The following ETF1 variants were observed in gnomAD, a reference collection of about 807,000 sequenced individuals.
The protein encoded by ETF1 is eukaryotic translation termination factor 1.
ETF1 carries 4 observed loss-of-function variants against 55.1 expected under a neutral mutation model. That is an observed-to-expected ratio of 0.07 (90% CI 0.04 to 0.17). ETF1 has a LOEUF of 0.17. Ranked by LOEUF, ETF1 falls within the 10% of genes least tolerant of loss-of-function variation. The probability of loss-of-function intolerance (pLI) is 1.00; values close to 1 mark genes in which losing one functional copy is unlikely to be tolerated. For synonymous variants in ETF1, 157 were observed against 182.3 expected, an observed-to-expected ratio of 0.86 and a Z score of 1.12; for missense variants, 142 against 523.6, an observed-to-expected ratio of 0.27 and a Z score of 7.11.
In ETF1 at chr5:138,521,578, G is replaced by A. The variant is rs529032232; in HGVS notation, c.87-2711C>T. ...TCTTGCTCTTGTTGCCCAGGCTGGA[G>A]TGCAGTGGCACCATCTCAGTTCACT... On this transcript the variant is annotated intron_variant, in intron 2 of 10. Coordinates refer to ENST00000360541, the MANE Select transcript of ETF1 (RefSeq NM_004730.4). 9.8e-5 allele frequency among the ~76,000 whole-genome samples: 15 copies of A among 152,306 alleles called. No individual in the cohort carries two copies. The East Asian group carries it at 2.7e-3, about 27-fold the overall frequency.
chr5:138,539,250 T>C (rs986987057), intron 2 of ETF1, among the ~76,000 whole-genome samples: 1 of 152,224 alleles, frequency 6.6e-6, no homozygotes, highest in Admixed American at 6.5e-5. Flanking sequence ...AGGCTCTAGT[T>C]ATGATTTTAT....
rs191251212 is a variant in ETF1, at chr5:138,529,135, C to G, written c.87-10268G>C. The stretch of plus-strand genomic sequence containing the variant: ...CAGAGCGAGACTCCATCTCAAAAAA[C>G]AAAAACAAAACCAACAAAAACCAAA... On this transcript the variant is annotated intron_variant, in intron 2 of 10. Transcript: ENST00000360541. 3.4e-3 allele frequency among the ~76,000 whole-genome samples: 519 copies of G among 151,950 alleles called. 5 individuals carry two copies. The highest frequency in any genetic ancestry group is 0.012 in the African/African-American group (488 of 41,456).
intron 9 of ETF1, among the ~76,000 whole-genome samples, chr5:138,509,599 A>G (rs1435155410): frequency 6.6e-6 from 1 of 151,760 alleles, no homozygotes; most frequent in Non-Finnish European, 1.5e-5. Context: ...CCATTTCTAT[A>G]AAAAAAATTA....
chr5:138,513,451 G>A (rs1764895891), intron 5 of ETF1, 117 bp downstream of exon 5: 12 of 912,420 alleles, frequency 1.3e-5, no homozygotes, highest in South Asian at 5.8e-5. Context: ...TGATCCACCC[G>A]GCTCGGCCTC....
intron 10 of ETF1, 104 bp from the exon 11 acceptor site, chr5:138,508,491 G>A: frequency 1.3e-6 from 2 of 1,569,594 alleles, no homozygotes; most frequent in South Asian, 1.2e-5. Flanking sequence ...TTGCAGAATT[G>A]CAGAAAGCAA....
At chr5:138,538,825 C>G (rs953697822) in intron 2 of ETF1, among the ~76,000 whole-genome samples, 1 of 152,176 alleles carries the variant, frequency 6.6e-6, no homozygotes, top group Non-Finnish European at 1.5e-5. Flanking sequence ...ATTAAGCAAT[C>G]TGTTCATATT....
At chr5:138,538,642 T>C (rs1486718607) in intron 2 of ETF1, among the ~76,000 whole-genome samples, 1 of 151,906 alleles carries the variant, frequency 6.6e-6, no homozygotes, top group Admixed American at 6.6e-5. Flanking sequence ...TCATTTTAGC[T>C]ACAACCAGCC....
At chr5:138,527,729 T>C (rs911997270) in intron 2 of ETF1, among the ~76,000 whole-genome samples, 1 of 151,420 alleles carries the variant, frequency 6.6e-6, no homozygotes, top group Non-Finnish European at 1.5e-5. Context: ...GGTAAGCCAA[T>C]TCTCAAGGGG....
chr5:138,537,895 A>ATT (rs1037475974), intron 2 of ETF1, among the ~76,000 whole-genome samples: 4 of 108,156 alleles, frequency 3.7e-5, no homozygotes, highest in Admixed American at 9.9e-5. Context: ...TATTATTATT[A>ATT]TTTTTTTTTT....
chr5:138,541,962 T>A (rs1182660836), intron 2 of ETF1, among the ~76,000 whole-genome samples: 1 of 152,080 alleles, frequency 6.6e-6, no homozygotes, highest in African/African-American at 2.4e-5. Context: ...CAGTTTCTTA[T>A]CAAAATGTAC....
intron 2 of ETF1, chr5:138,542,493 A>AGAGCACCCGAG: frequency 1.9e-6 from 1 of 519,294 alleles, no homozygotes; most frequent in Non-Finnish European, 3.0e-6. Flanking sequence ...CTTTGCCACA[A>AGAGCACCCGAG]TAGCACCCGA....
intron 2 of ETF1, among the ~76,000 whole-genome samples, chr5:138,525,895 G>A (rs1375429330): frequency 7.0e-6 from 1 of 143,644 alleles, no homozygotes; most frequent in Admixed American, 7.3e-5. Flanking sequence ...GCAGTGAGCA[G>A]AGATCACGCC....
At chr5:138,509,084 G>A (rs781341945) in intron 9 of ETF1, 2 of 985,158 alleles carry the variant, frequency 2.0e-6, no homozygotes, top group Non-Finnish European at 2.4e-6. Flanking sequence ...TTCAGCTTAT[G>A]ATTCCTACTG....
intron 3 of ETF1, 26 bp from the exon 4 acceptor site, chr5:138,517,726 T>C: frequency 6.3e-6 from 9 of 1,418,362 alleles, no homozygotes; most frequent in Non-Finnish European, 8.4e-6. Context: ...ACAATTTTTC[T>C]ACTTTACCCC....
In ETF1 at chr5:138,517,241, T is replaced by C. The variant is rs555789276; in HGVS notation, c.402+320A>G. Among the ~76,000 whole-genome samples the C allele has an allele frequency of 8.6e-4, 131 of 151,968 alleles. 1 individual carries two copies. Among genetic ancestry groups the C allele is most frequent in the African/African-American group, 2.9e-3 (121 of 41,466 alleles). On this transcript the variant is annotated intron_variant, in intron 4 of 10. Transcript: ENST00000360541. Reference sequence around the variant, plus strand: ...AAAAAATTAGCTGGGTGTGGTGGCATGTGCCTGCAATCCCAGCTACTCAGG... The same window carrying C: ...AAAAAATTAGCTGGGTGTGGTGGCACGTGCCTGCAATCCCAGCTACTCAGG...
chr5:138,543,024 C>G (rs545158801), intron 1 of ETF1, 73 bp downstream of exon 1: 1 of 1,191,434 alleles, frequency 8.4e-7, no homozygotes, highest in African/African-American at 1.5e-5. Flanking sequence ...CTCGCCATCC[C>G]CCAGAGGCCC....
chr5:138,524,402 A>C (rs1260530640), intron 2 of ETF1, among the ~76,000 whole-genome samples: 4 of 151,668 alleles, frequency 2.6e-5, no homozygotes, highest in East Asian at 3.9e-4. Flanking sequence ...TCTCTACAAA[A>C]ATTAGGCAAG....
rs924045248 is a variant in ETF1 at position 138,542,952 on chromosome 5, G to A, written c.-18-16C>T. 1.9e-5 allele frequency: 31 copies of A among 1,610,086 alleles called. No homozygotes were observed. Among genetic ancestry groups the A allele is most frequent in the Non-Finnish European group, 2.5e-5 (29 of 1,178,318 alleles). ...CTCCTCCTCCCTAGAGCGGCCCGGC[G>A]GGGCCCGGAGACACCAAGACCACAG... On this transcript the variant is annotated splice_polypyrimidine_tract_variant and intron_variant, in intron 1 of 10. Transcript: ENST00000360541.
intron 6 of ETF1, among the ~76,000 whole-genome samples, chr5:138,512,197 C>CAAAAAAAAAAA (rs58386195): frequency 3.5e-4 from 1 of 2,842 alleles, no homozygotes; most frequent in African/African-American, 1.4e-3. Flanking sequence ...GACCCAGTCT[C>CAAAAAAAAAAA]AAAAAAAAAA....
Sources: allele counts gnomAD v4.1 joint callset (sites outside exome capture counted in the v4.1 genomes callset), GRCh38; gene constraint gnomAD v4.1.1; transcripts MANE v1.5; gene names NCBI Gene and HGNC (gene_info 2026-07-23, HGNC 2026-07-21).